The following CCSER1 variants were observed in gnomAD, a reference collection of about 807,000 sequenced individuals.
CCSER1 encodes the protein serine-rich coiled-coil domain-containing protein 1.
Under a neutral mutation model 82.0 loss-of-function variants are expected in CCSER1, and 41 were observed. The ratio of observed to expected loss-of-function variants is 0.50; its 90% confidence interval spans 0.39 to 0.65. The LOEUF (loss-of-function observed/expected upper bound fraction) is 0.65. CCSER1 is among the 30% of genes least tolerant of loss of function. CCSER1 has a pLI of 0.00. For synonymous variants in CCSER1, 414 were observed against 383.9 expected (o/e 1.08, Z -0.92); for missense variants, 1,119 against 1,064.2 (o/e 1.05, Z -0.72).
intron 10 of CCSER1, among the ~76,000 whole-genome samples, chr4:91,517,027 A>G (rs550795176): frequency 9.2e-5 from 14 of 152,102 alleles, no homozygotes; most frequent in Non-Finnish European, 1.3e-4. Flanking sequence ...TTGGAATGGT[A>G]CTGATTTTTG....
chr4:90,537,320 A>G (rs1184029703), intron 5 of CCSER1, among the ~76,000 whole-genome samples: 5 of 151,732 alleles, frequency 3.3e-5, no homozygotes, highest in Non-Finnish European at 2.9e-5. Flanking sequence ...ACTTTTTTAT[A>G]TCTTTTTCGT....
chr4:91,319,783 A>G, intron 10 of CCSER1: 2 of 451,770 alleles, frequency 4.4e-6, no homozygotes, highest in South Asian at 1.6e-5. Flanking sequence ...CTTATGCTCT[A>G]AAGTCCCTCT....
rs764021572 is a variant in CCSER1 at position 90,308,965 on chromosome 4, G to A, written c.681G>A (p.Ser227=). ...QEREPVLVRA[S]PSCSVDVTER... ...GAGAACCTGTATTAGTAAGAGCTTCGCCATCCTGTTCTGTGGATGTAACAG... is the reference window on the plus strand; with the variant it reads ...GAGAACCTGTATTAGTAAGAGCTTCACCATCCTGTTCTGTGGATGTAACAG... The change falls in exon 2 of 11, where the codon TCG becomes TCA. Residue 227 remains serine, a synonymous_variant. Transcript: ENST00000509176. 1.8e-5 allele frequency: 29 copies of A among 1,613,500 alleles called. No homozygotes were observed. Among genetic ancestry groups the A allele is most frequent in the Admixed American group, 1.0e-4 (6 of 59,904 alleles).
At chr4:91,102,460 T>C (rs1581558090) in intron 10 of CCSER1, among the ~76,000 whole-genome samples, 1 of 152,162 alleles carries the variant, frequency 6.6e-6, no homozygotes, top group East Asian at 1.9e-4. Context: ...TTAATCTGGA[T>C]ATAAGTAAGA....
Position 90,637,691 on chromosome 4 carries a change from C to A in CCSER1, c.1932+9459C>A, listed in dbSNP as rs147501357. Reference sequence around the variant, plus strand: ...ACTCAAGTATAGTTTTCCATTTTAACCTGTAAACTAATACACATGTTAGTA... The same window carrying A: ...ACTCAAGTATAGTTTTCCATTTTAAACTGTAAACTAATACACATGTTAGTA... On this transcript the variant is annotated intron_variant, in intron 6 of 10. Transcript: ENST00000509176. Among the ~76,000 whole-genome samples the A allele has an allele frequency of 3.0e-4, 46 of 152,204 alleles. No homozygotes were observed. The East Asian group carries it at 8.5e-3, about 28-fold the overall frequency.
intron 7 of CCSER1, among the ~76,000 whole-genome samples, chr4:90,733,459 A>T (rs1335490245): frequency 6.6e-6 from 1 of 152,098 alleles, no homozygotes; most frequent in African/African-American, 2.4e-5. Flanking sequence ...GGTGGTTTTC[A>T]AACATTTTCT....
chr4:91,542,172 G>A (rs962968550), intron 10 of CCSER1, among the ~76,000 whole-genome samples: 1 of 152,162 alleles, frequency 6.6e-6, no homozygotes, highest in Non-Finnish European at 1.5e-5. Flanking sequence ...CTCCCATTCT[G>A]TAGGTTGCCT....
intron 6 of CCSER1, among the ~76,000 whole-genome samples, chr4:90,648,349 C>T (rs1469409195): frequency 8.5e-6 from 1 of 117,852 alleles, no homozygotes; most frequent in African/African-American, 3.1e-5. Flanking sequence ...AAGAGAGTTG[C>T]CCTCAAGAAA....
intron 1 of CCSER1, among the ~76,000 whole-genome samples, chr4:90,179,658 C>T (rs1365627855): frequency 6.6e-6 from 1 of 152,234 alleles, no homozygotes; most frequent in African/African-American, 2.4e-5. Flanking sequence ...CTTGGGATTA[C>T]AGGCGTGAGC....
intron 1 of CCSER1, among the ~76,000 whole-genome samples, chr4:90,285,510 A>T (rs1729704640): frequency 6.6e-6 from 1 of 151,910 alleles, no homozygotes; most frequent in African/African-American, 2.4e-5. Flanking sequence ...AACTTTACTG[A>T]ATTTGTCTGT....
At chr4:90,574,052 C>T (rs1780417698) in intron 5 of CCSER1, among the ~76,000 whole-genome samples, 1 of 150,882 alleles carries the variant, frequency 6.6e-6, no homozygotes, top group Non-Finnish European at 1.5e-5. Context: ...TACATTTTAC[C>T]TGAGCAAAAT....
chr4:90,404,308 A>C (rs1244504999), intron 4 of CCSER1, among the ~76,000 whole-genome samples: 1 of 152,104 alleles, frequency 6.6e-6, no homozygotes, highest in African/African-American at 2.4e-5. Flanking sequence ...AAGTCACAGC[A>C]AGACCCGCTG....
intron 1 of CCSER1, among the ~76,000 whole-genome samples, chr4:90,139,982 G>T (rs901318295): frequency 1.3e-5 from 2 of 151,926 alleles, no homozygotes; most frequent in Non-Finnish European, 2.9e-5. Context: ...GTAAATAAAA[G>T]TATGAAAATG....
At chr4:90,926,992 T>C (rs141686171) in intron 9 of CCSER1, among the ~76,000 whole-genome samples, 22 of 152,158 alleles carry the variant, frequency 1.4e-4, no homozygotes, top group Non-Finnish European at 2.1e-4. Flanking sequence ...ATATATGCTG[T>C]CTGTAAATAT....
At chr4:90,644,612 T>G (rs1338989007) in intron 6 of CCSER1, among the ~76,000 whole-genome samples, 6 of 152,106 alleles carry the variant, frequency 3.9e-5, no homozygotes, top group Non-Finnish European at 7.4e-5. Flanking sequence ...TTTATCCTGA[T>G]GCTCTCCCTC....
rs1553957973 is a variant in CCSER1 at position 90,605,011 on chromosome 4, G to GT, written c.1725-23013dup. Among the ~76,000 whole-genome samples the GT allele has an allele frequency of 2.1e-3, 312 of 152,024 alleles. 1 individual carries two copies. Among genetic ancestry groups the GT allele is most frequent in the African/African-American group, 7.1e-3 (295 of 41,456 alleles). On this transcript the variant is annotated intron_variant, in intron 5 of 10. Coordinates refer to ENST00000509176, the MANE Select transcript of CCSER1 (RefSeq NM_001145065.2). ...GCAACTGAGTGAGCTCCGCTTCCAC[G>GT]TGTGGGAGGTTTGTTCTTTGGCTGT...
chr4:91,118,173 T>C (rs1217531616), intron 10 of CCSER1, among the ~76,000 whole-genome samples: 4 of 152,124 alleles, frequency 2.6e-5, no homozygotes, highest in African/African-American at 9.6e-5. Context: ...AAATGAGTGC[T>C]CTAAAAACAG....
intron 8 of CCSER1, among the ~76,000 whole-genome samples, chr4:90,868,377 A>C (rs1306391917): frequency 6.6e-6 from 1 of 151,840 alleles, no homozygotes; most frequent in African/African-American, 2.4e-5. Flanking sequence ...TTCGGTTACC[A>C]TCTTCCTACT....
At chr4:91,126,668 G>T (rs944847177) in intron 10 of CCSER1, among the ~76,000 whole-genome samples, 24 of 152,028 alleles carry the variant, frequency 1.6e-4, no homozygotes, top group Admixed American at 3.9e-4. Context: ...TACATATTCT[G>T]TTAAAGAATA....
Sources: allele counts gnomAD v4.1 joint callset (sites outside exome capture counted in the v4.1 genomes callset), GRCh38; gene constraint gnomAD v4.1.1; transcripts MANE v1.5; gene names NCBI Gene and HGNC (gene_info 2026-07-23, HGNC 2026-07-21).